The following SIDT2 variants were observed in gnomAD, a reference collection of about 807,000 sequenced individuals.
SIDT2 encodes the protein SID1 transmembrane family member 2, also known as SID1 transmembrane family, member 2.
In SIDT2, 68 loss-of-function variants were observed where a neutral mutation model predicts 114.4. The ratio of observed to expected loss-of-function variants is 0.59; its 90% CI spans 0.49 to 0.73. The LOEUF is 0.73. SIDT2 is among the 30% of genes least tolerant of loss of function. The pLI, the probability that SIDT2 is intolerant of heterozygous loss-of-function variation, is 0.00. For missense variants in SIDT2, 918 were observed against 1,097.1 expected (o/e 0.84, Z 2.31); for synonymous variants, 470 against 438.4 (o/e 1.07, Z -0.90).
At chr11:117,195,969 C>T (rs1362809148) in intron 25 of SIDT2, 35 bp from the exon 26 acceptor site, 3 of 1,614,130 alleles carry the variant, frequency 1.9e-6, no homozygotes, top group Non-Finnish European at 2.5e-6. Flanking sequence ...GCAGCTGCCT[C>T]CTTCTCTGTG....
At chr11:117,193,099 G>A (rs559119529) in intron 22 of SIDT2, 54 bp from the exon 23 acceptor site, 103 of 1,552,142 alleles carry the variant, frequency 6.6e-5, no homozygotes, top group Non-Finnish European at 8.6e-5. Flanking sequence ...GGCAGGAAGA[G>A]CACTTCCTTG....
chr11:117,182,120 TTGA>T lies in SIDT2; in HGVS notation c.516+17_516+19del. 1 of 1,613,626 alleles carries T rather than the reference TTGA, an allele frequency of 6.2e-7. No individual in the cohort carries two copies. Among genetic ancestry groups the T allele is most frequent in the Non-Finnish European group, 8.5e-7 (1 of 1,179,972 alleles). On this transcript the variant is annotated intron_variant, in intron 4 of 25. Transcript: ENST00000324225. ...CACAGCCCCAGGTAACATCTCCCTG[TTGA>T]TTGCTCGAGAGGAGAAATGGGGGAG...
chr11:117,191,963 C>T lies in SIDT2; in HGVS notation c.1821C>T (p.Tyr607=), dbSNP rs2030718184. The T allele has an allele frequency of 6.2e-7, 1 of 1,614,218 alleles. No individual in the cohort carries two copies. Among genetic ancestry groups the T allele is most frequent in the East Asian group, 2.2e-5 (1 of 44,884 alleles). The part of the protein sequence containing the change: ...KRHPDINASA[Y]SAYACLAIVI... The stretch of plus-strand genomic sequence containing the variant: ...ACCCGGACATCAACGCCAGCGCCTA[C>T]AGTGCCTACGCCTGCCTGGCCATTG... The change falls in exon 19 of 26, where the codon TAC becomes TAT. Residue 607 remains tyrosine (Y), a synonymous_variant. Transcript: ENST00000324225.
intron 8 of SIDT2, among the ~76,000 whole-genome samples, chr11:117,185,139 T>C (rs1393345016): frequency 6.7e-6 from 1 of 149,184 alleles, no homozygotes; most frequent in Non-Finnish European, 1.5e-5. Flanking sequence ...AAGCTCCACC[T>C]CCCAGGTTCA....
At chr11:117,185,794 A>C (rs954336054) in intron 8 of SIDT2, among the ~76,000 whole-genome samples, 1 of 147,408 alleles carries the variant, frequency 6.8e-6, no homozygotes, top group African/African-American at 2.5e-5. Flanking sequence ...GGAAGGATGG[A>C]GCCTAGGAGT....
chr11:117,185,049 CTT>C (rs34444006), intron 8 of SIDT2, among the ~76,000 whole-genome samples: 5 of 135,524 alleles, frequency 3.7e-5, no homozygotes, highest in Non-Finnish European at 4.7e-5. Context: ...CTCTCTCTCT[CTT>C]TTTTTTTTTT....
chr11:117,179,036 C>G lies in SIDT2; in HGVS notation c.-228C>G, dbSNP rs529119010. On this transcript the variant is annotated 5_prime_UTR_variant, in exon 1 of 26. Coordinates refer to ENST00000324225, the MANE Select transcript of SIDT2 (RefSeq NM_001040455.2). ...GGGACCCCTTCCCGTAGCCAGCATC[C>G]CCTCCCTCCCCGCCCCCTCCCGGCC... is the stretch of plus-strand genomic sequence containing the variant. 1.8e-6 allele frequency: 1 copy of G among 566,394 alleles called. No individual in the cohort carries two copies. Among genetic ancestry groups the G allele is most frequent in the African/African-American group, 1.9e-5 (1 of 53,090 alleles). 35.1% of individuals were successfully genotyped at this position (566,394 alleles called of 1,614,324 possible).
In SIDT2 at chr11:117,181,538, G is replaced by GT; in HGVS notation, c.305+2dup. 1 of 1,613,966 alleles carries GT rather than the reference G, an allele frequency of 6.2e-7. No individual in the cohort carries two copies. Among genetic ancestry groups the GT allele is most frequent in the Non-Finnish European group, 8.5e-7 (1 of 1,179,986 alleles). Reference sequence around the variant, plus strand: ...AGGTGCCCCTAATCCTGCGAGGGATGTGAGTAGGATCTGGGCATCAGGGAA... The same window carrying GT: ...AGGTGCCCCTAATCCTGCGAGGGATGTTGAGTAGGATCTGGGCATCAGGGAA... On this transcript the variant is annotated splice_donor_variant, in intron 2 of 25. Coordinates refer to ENST00000324225, the MANE Select transcript of SIDT2 (RefSeq NM_001040455.2). LOFTEE classifies it high-confidence loss of function.
At position 117,179,202 on chromosome 11, in the gene SIDT2, G is replaced by C; in HGVS notation, c.-62G>C. 1 of 1,541,346 alleles carries C rather than the reference G, an allele frequency of 6.5e-7. No individual in the cohort carries two copies. ...CGCAGCCGCAACCCGTCCCGGAGGTGTCCTGTCTCCTGTCGCCGCCGCCGC... is the reference window on the plus strand; with the variant it reads ...CGCAGCCGCAACCCGTCCCGGAGGTCTCCTGTCTCCTGTCGCCGCCGCCGC... On this transcript the variant is annotated 5_prime_UTR_variant, in exon 1 of 26. Coordinates refer to ENST00000324225, the MANE Select transcript of SIDT2 (RefSeq NM_001040455.2).
At chr11:117,195,973 C>A (rs764795325) in intron 25 of SIDT2, 31 bp from the exon 26 acceptor site, 1 of 1,614,154 alleles carries the variant, frequency 6.2e-7, no homozygotes, top group Non-Finnish European at 8.5e-7. Flanking sequence ...CTGCCTCCTT[C>A]TCTGTGGCTG....
intron 15 of SIDT2, chr11:117,189,621 G>C: frequency 8.2e-6 from 5 of 609,978 alleles, no homozygotes; most frequent in Non-Finnish European, 1.4e-5. Context: ...ACTAAAGATA[G>C]CCCCTCCCTG....
intron 10 of SIDT2, 143 bp from the exon 11 acceptor site, chr11:117,187,235 G>A: frequency 1.1e-6 from 1 of 933,168 alleles, no homozygotes; most frequent in Non-Finnish European, 1.7e-6. Context: ...GCAGTGGGGT[G>A]TGTTTGCCTG....
At chr11:117,194,319 T>G (rs920568066) in intron 24 of SIDT2, among the ~76,000 whole-genome samples, 2 of 151,976 alleles carry the variant, frequency 1.3e-5, no homozygotes, top group African/African-American at 4.8e-5. Context: ...AAAAAAAAAT[T>G]TTAAACATCA....
chr11:117,181,681 CGGGAGCTTGTGCACCTCGCAGGGA>C, intron 2 of SIDT2, 102 bp from the exon 3 acceptor site: 1 of 1,567,582 alleles, frequency 6.4e-7, no homozygotes, highest in Non-Finnish European at 8.7e-7. Flanking sequence ...TCCCACCAGC[CGGGAGCTTGTGCACCTCGCAGGGA>C]GGTGGTGGAG....
rs761081859 is a variant in SIDT2, at chr11:117,196,044, G to A, written c.2477G>A (p.Arg826Gln). Residue 826 changes from arginine (R) to glutamine (Q), a missense_variant, in exon 26 of 26, where the codon CGG becomes CAG. Transcript: ENST00000324225. The surrounding 1 kb of genome is among the most constrained non-coding windows in gnomAD (Gnocchi z 4.9). The part of the protein sequence containing the change: ...TLDDDLDTVQ[R>Q]DKIYVF ...GATGACGACCTGGATACTGTGCAGC[G>A]GGACAAGATCTATGTCTTCTAGCAG... is the stretch of plus-strand genomic sequence containing the variant. 2.5e-6 allele frequency: 4 copies of A among 1,614,112 alleles called. No individual in the cohort carries two copies. The highest frequency in any genetic ancestry group is 2.2e-5 in the East Asian group (1 of 44,890).
intron 1 of SIDT2, among the ~76,000 whole-genome samples, chr11:117,180,531 C>CTTTTTTTTTT (rs35242634): frequency 1.2e-5 from 1 of 82,370 alleles, no homozygotes; most frequent in Non-Finnish European, 2.2e-5. Context: ...ATCACTTTAT[C>CTTTTTTTTTT]TTTTTTTTTT....
At position 117,179,199 on chromosome 11, in the gene SIDT2, G is replaced by GGTGTCCT; in HGVS notation, c.-62_-56dup. The GGTGTCCT allele has an allele frequency of 6.6e-7, 1 of 1,514,424 alleles. No individual in the cohort carries two copies. 93.8% of individuals were successfully genotyped at this position (1,514,424 alleles called of 1,614,324 possible). On this transcript the variant is annotated 5_prime_UTR_variant, in exon 1 of 26. Coordinates refer to ENST00000324225, the MANE Select transcript of SIDT2 (RefSeq NM_001040455.2). Reference sequence around the variant, plus strand: ...GGCCGCAGCCGCAACCCGTCCCGGAGGTGTCCTGTCTCCTGTCGCCGCCGC... The same window carrying GGTGTCCT: ...GGCCGCAGCCGCAACCCGTCCCGGAGGTGTCCTGTGTCCTGTCTCCTGTCGCCGCCGC...
At chr11:117,187,481 G>A in intron 11 of SIDT2, 32 bp downstream of exon 11, 1 of 1,612,292 alleles carries the variant, frequency 6.2e-7, no homozygotes, top group Non-Finnish European at 8.5e-7. Flanking sequence ...GTGCTTGCTG[G>A]GGACATGACC....
chr11:117,181,745 C>T lies in SIDT2; in HGVS notation c.306-62C>T, dbSNP rs559444878. On this transcript the variant is annotated intron_variant, in intron 2 of 25. Coordinates refer to ENST00000324225, the MANE Select transcript of SIDT2 (RefSeq NM_001040455.2). ...GACGGGGCGAGGTGGGGCCTCGCTC[C>T]TCTGGAGGGGCAGGCCGGCTGGGAC... The T allele has an allele frequency of 3.7e-5, 60 of 1,609,698 alleles. No homozygotes were observed. The African/African-American group carries it at 7.1e-4, about 19-fold the overall frequency.
Sources: allele counts gnomAD v4.1 joint callset (sites outside exome capture counted in the v4.1 genomes callset), GRCh38; gene constraint gnomAD v4.1.1; non-coding constraint Gnocchi (gnomAD v3.1); transcripts MANE v1.5; gene names NCBI Gene and HGNC (gene_info 2026-07-23, HGNC 2026-07-21).